The following MOXD1 variants were observed in gnomAD, a reference collection of about 807,000 sequenced individuals.
The protein encoded by MOXD1 is monooxygenase DBH like 1, also known as DBH-like monooxygenase protein 1.
MOXD1 carries 62 observed loss-of-function variants against 66.6 expected under a neutral mutation model. That is an observed-to-expected ratio of 0.93 (90% CI 0.76 to 1.15). The LOEUF (loss-of-function observed/expected upper bound fraction) is 1.15, where lower values mean the gene tolerates loss of function less well. Among genes scored for constraint, MOXD1 ranks in the 50% most tolerant of loss-of-function variants. The pLI, the probability that MOXD1 is intolerant of heterozygous loss-of-function variation, is 0.00. For synonymous variants in MOXD1, 303 were observed against 281.9 expected (o/e 1.07, Z -0.75); for missense variants, 847 against 754.6 (o/e 1.12, Z -1.44).
intron 4 of MOXD1, among the ~76,000 whole-genome samples, chr6:132,339,875 T>TG (rs1775514225): frequency 6.6e-6 from 1 of 151,140 alleles, no homozygotes; most frequent in Non-Finnish European, 1.5e-5. Context: ...CTCTTTTTTT[T>TG]TTTTTTTTTT....
At chr6:132,327,905 A>T in intron 6 of MOXD1, 108 bp downstream of exon 6, 1 of 797,994 alleles carries the variant, frequency 1.3e-6, no homozygotes, top group Non-Finnish European at 2.1e-6. Flanking sequence ...TATATAGGTT[A>T]ATTCCTTCTA....
intron 10 of MOXD1, among the ~76,000 whole-genome samples, chr6:132,315,290 G>C (rs1409511612): frequency 1.3e-5 from 2 of 152,168 alleles, no homozygotes; most frequent in Non-Finnish European, 2.9e-5. Context: ...CACTGGAAGA[G>C]GGCTCTTGGA....
intron 10 of MOXD1, among the ~76,000 whole-genome samples, chr6:132,305,895 T>C (rs1394717043): frequency 1.3e-5 from 2 of 152,042 alleles, no homozygotes; most frequent in Non-Finnish European, 2.9e-5. Context: ...GACAAACTCA[T>C]GAAGATGAGA....
At chr6:132,373,508 A>C (rs1322493423) in intron 2 of MOXD1, among the ~76,000 whole-genome samples, 1 of 152,226 alleles carries the variant, frequency 6.6e-6, no homozygotes, top group Non-Finnish European at 1.5e-5. Context: ...ATTTACAGAA[A>C]ATATAAATAT....
intron 1 of MOXD1, among the ~76,000 whole-genome samples, chr6:132,386,333 C>T (rs1211862964): frequency 6.7e-6 from 1 of 148,356 alleles, no homozygotes; most frequent in East Asian, 2.1e-4. Context: ...ACCCGGGAGG[C>T]GGAGCTTGCA....
intron 9 of MOXD1, among the ~76,000 whole-genome samples, chr6:132,317,188 T>C (rs1202723924): frequency 2.0e-5 from 3 of 152,162 alleles, no homozygotes; most frequent in Non-Finnish European, 4.4e-5. Context: ...GAATTCTGTA[T>C]CCAGCAAAAT....
At chr6:132,382,003 T>C (rs920126374) in intron 1 of MOXD1, among the ~76,000 whole-genome samples, 1 of 152,102 alleles carries the variant, frequency 6.6e-6, no homozygotes, top group African/African-American at 2.4e-5. Context: ...ATTCCTCAGC[T>C]ATCTTCCTAT....
intron 4 of MOXD1, among the ~76,000 whole-genome samples, chr6:132,360,375 T>C (rs1775991943): frequency 6.6e-6 from 1 of 152,354 alleles, no homozygotes; most frequent in South Asian, 2.1e-4. Context: ...TTATGAGGAC[T>C]GACAATCCCC....
rs566292391 is a variant in MOXD1, at chr6:132,384,508, A to G, written c.265-9731T>C. ...AAACTTAAACAATAAAATATCCAAC[A>G]ATTTTTAGATAAATACTTACAGAAA... On this transcript the variant is annotated intron_variant, in intron 1 of 11. Coordinates refer to ENST00000367963, the MANE Select transcript of MOXD1 (RefSeq NM_015529.4). Among the ~76,000 whole-genome samples the G allele has an allele frequency of 6.6e-5, 10 of 152,304 alleles. No individual in the cohort carries two copies. The South Asian group carries it at 2.1e-3, about 32-fold the overall frequency.
In MOXD1 at chr6:132,341,008, G is replaced by A. The variant is rs570350642; in HGVS notation, c.664-12414C>T. 2.4e-3 allele frequency among the ~76,000 whole-genome samples: 361 copies of A among 152,160 alleles called. 1 individual carries two copies. Among genetic ancestry groups the A allele is most frequent in the African/African-American group, 8.3e-3 (345 of 41,490 alleles). On this transcript the variant is annotated intron_variant, in intron 4 of 11. Transcript: ENST00000367963. The stretch of plus-strand genomic sequence containing the variant: ...TCCTCTAAGTTGCTTTTTAGTCATA[G>A]CTATCATCCTAATCCACATCTCTCA...
At chr6:132,391,623 T>A (rs1776766193) in intron 1 of MOXD1, 1 of 152,076 alleles carries the variant, frequency 6.6e-6, no homozygotes, top group African/African-American at 2.4e-5. Context: ...TCCAGAAACA[T>A]GACAATGTGT....
At chr6:132,324,167 G>C in intron 6 of MOXD1, 70 bp from the exon 7 acceptor site, 1 of 1,488,128 alleles carries the variant, frequency 6.7e-7, no homozygotes, top group Non-Finnish European at 9.2e-7. Context: ...GAAAATTCTT[G>C]GTTTGAATTT....
At chr6:132,353,800 C>T (rs1332718752) in intron 4 of MOXD1, among the ~76,000 whole-genome samples, 5 of 152,100 alleles carry the variant, frequency 3.3e-5, no homozygotes, top group Non-Finnish European at 2.9e-5. Context: ...AATACCTCTT[C>T]CTTATTCTTA....
At chr6:132,378,568 A>G (rs1052835384) in intron 1 of MOXD1, among the ~76,000 whole-genome samples, 1 of 152,248 alleles carries the variant, frequency 6.6e-6, no homozygotes, top group Non-Finnish European at 1.5e-5. Context: ...TGTAAATGAA[A>G]TGGAGAAACA....
chr6:132,344,708 A>G (rs1202560196), intron 4 of MOXD1, among the ~76,000 whole-genome samples: 1 of 151,870 alleles, frequency 6.6e-6, no homozygotes, highest in Non-Finnish European at 1.5e-5. Flanking sequence ...CCTTTTTTGC[A>G]TACTCACAAA....
intron 4 of MOXD1, among the ~76,000 whole-genome samples, chr6:132,354,062 T>G (rs1010788277): frequency 1.3e-5 from 2 of 152,218 alleles, no homozygotes; most frequent in Admixed American, 6.5e-5. Context: ...ATTTCTTCCT[T>G]CACTTCTTGT....
intron 4 of MOXD1, among the ~76,000 whole-genome samples, chr6:132,353,703 C>T (rs570700652): frequency 1.8e-4 from 27 of 152,140 alleles, no homozygotes; most frequent in Non-Finnish European, 2.8e-4. Context: ...ATTTGGATGT[C>T]GAGGTCTCTA....
intron 2 of MOXD1, 95 bp downstream of exon 2, chr6:132,374,536 A>C (rs1266650266): frequency 2.8e-6 from 3 of 1,072,898 alleles, no homozygotes; most frequent in East Asian, 5.7e-5. Flanking sequence ...TATTAGAAAA[A>C]AGACTATATG....
At chr6:132,371,664 G>A (rs1776264650) in intron 4 of MOXD1, among the ~76,000 whole-genome samples, 1 of 152,078 alleles carries the variant, frequency 6.6e-6, no homozygotes, top group South Asian at 2.1e-4. Flanking sequence ...TAAGGCTACA[G>A]CATTACCCCA....
Sources: gnomAD v4.1 joint callset for allele counts (sites outside exome capture counted in the v4.1 genomes callset) on GRCh38, gnomAD v4.1.1 for gene constraint, MANE v1.5 for transcripts, NCBI Gene and HGNC (gene_info 2026-07-23, HGNC 2026-07-21) for gene names.